Variants in KANK1 observed in about 807,000 individuals in gnomAD.
KANK1 encodes the protein KN motif and ankyrin repeat domain-containing protein 1.
A neutral mutation model predicts 106.2 loss-of-function variants in KANK1; 109 were observed. The ratio of observed to expected loss-of-function variants is 1.03; its 90% CI spans 0.88 to 1.20. The LOEUF is 1.20. Ranked by LOEUF, KANK1 falls within the 50% of genes most tolerant of loss-of-function variation. The pLI, the probability that KANK1 is intolerant of heterozygous loss-of-function variation, is 0.00. For synonymous variants in KANK1, 873 were observed against 652.2 expected (o/e 1.34, Z -5.16); for missense variants, 2,399 against 1,710.7 (o/e 1.40, Z -7.10).
Position 572,063 on chromosome 9 carries a change from A to G in KANK1, c.-84+67309A>G, listed in dbSNP as rs559595360. On this transcript the variant is annotated intron_variant, in intron 1 of 11. Coordinates refer to ENST00000382297, the MANE Select transcript of KANK1 (RefSeq NM_015158.5). ...GATGCTTATTTTCCTTTTTTAGGGCATTTCAGTTTAAAACAAATTAAAAAT... is the reference window on the plus strand; with the variant it reads ...GATGCTTATTTTCCTTTTTTAGGGCGTTTCAGTTTAAAACAAATTAAAAAT... Among the ~76,000 whole-genome samples, 352 of 151,536 alleles carry G rather than the reference A, an allele frequency of 2.3e-3. 2 individuals are homozygous for G. The highest frequency in any genetic ancestry group is 7.9e-3 in the African/African-American group (324 of 41,268).
chr9:718,186 A>G (rs1274439251), intron 3 of KANK1, among the ~76,000 whole-genome samples: 1 of 151,746 alleles, frequency 6.6e-6, no homozygotes, highest in Non-Finnish European at 1.5e-5. Flanking sequence ...AAACAATGCA[A>G]TCCAAGTGTT....
intron 1 of KANK1, among the ~76,000 whole-genome samples, chr9:545,366 A>C (rs1253393990): frequency 6.6e-6 from 1 of 152,200 alleles, no homozygotes; most frequent in African/African-American, 2.4e-5. Flanking sequence ...TGAACCCTGC[A>C]TTTGAAGTTC....
chr9:517,052 T>C (rs1045340884), intron 1 of KANK1, among the ~76,000 whole-genome samples: 2 of 148,058 alleles, frequency 1.4e-5, no homozygotes, highest in African/African-American at 5.1e-5. Flanking sequence ...TTTGGTGGGC[T>C]CAGAGCCACG....
chr9:682,104 A>T (rs1417217932), intron 2 of KANK1, among the ~76,000 whole-genome samples: 2 of 152,044 alleles, frequency 1.3e-5, no homozygotes, highest in Non-Finnish European at 2.9e-5. Flanking sequence ...ACATGGTGAA[A>T]ACCCGTCTCT....
chr9:651,989 T>A (rs1840980931), intron 1 of KANK1, among the ~76,000 whole-genome samples: 1 of 152,298 alleles, frequency 6.6e-6, no homozygotes, highest in South Asian at 2.1e-4. Context: ...AGCAATAAAT[T>A]TAGGAATGGA....
intron 1 of KANK1, among the ~76,000 whole-genome samples, chr9:537,071 C>T (rs1322915298): frequency 3.3e-5 from 5 of 152,150 alleles, no homozygotes; most frequent in Non-Finnish European, 7.4e-5. Flanking sequence ...AGTTGTGACT[C>T]TCCTGCTTAT....
chr9:742,116 CT>C, intron 9 of KANK1, 88 bp from the exon 10 acceptor site: 2 of 1,124,222 alleles, frequency 1.8e-6, no homozygotes, highest in Non-Finnish European at 2.6e-6. Context: ...TCACCACACT[CT>C]TCCCCCTTTC....
intron 1 of KANK1, among the ~76,000 whole-genome samples, chr9:545,681 G>A (rs1023326419): frequency 4.7e-5 from 7 of 149,716 alleles, no homozygotes; most frequent in Non-Finnish European, 8.9e-5. Flanking sequence ...TCATGGCAGC[G>A]TGACAGCATA....
At chr9:571,980 G>T (rs954378073) in intron 1 of KANK1, among the ~76,000 whole-genome samples, 1 of 152,064 alleles carries the variant, frequency 6.6e-6, no homozygotes, top group African/African-American at 2.4e-5. Context: ...AGAACAACTC[G>T]GAACTTTGTG....
At chr9:737,355 T>G (rs919301923) in intron 7 of KANK1, among the ~76,000 whole-genome samples, 2 of 152,238 alleles carry the variant, frequency 1.3e-5, no homozygotes, top group African/African-American at 4.8e-5. Context: ...AAAGAGGACT[T>G]CTTGGGTTCT....
At position 732,374 on chromosome 9, in the gene KANK1, C is replaced by T. The variant is rs1391603608; in HGVS notation, c.3006-4C>T. ...CATCTCCTGAAATCCCAATTGCCAC[C>T]TAGGTATGAAACAACTTCAAGTGAT... is the stretch of plus-strand genomic sequence containing the variant. On this transcript the variant is annotated splice_polypyrimidine_tract_variant and splice_region_variant and intron_variant, in intron 5 of 11. Coordinates refer to ENST00000382297, the MANE Select transcript of KANK1 (RefSeq NM_015158.5). The T allele has an allele frequency of 3.1e-6, 5 of 1,605,110 alleles. No individual in the cohort carries two copies. Among genetic ancestry groups the T allele is most frequent in the Non-Finnish European group, 4.3e-6 (5 of 1,172,484 alleles).
intron 1 of KANK1, among the ~76,000 whole-genome samples, chr9:617,113 A>G (rs1246745405): frequency 1.3e-5 from 2 of 151,266 alleles, no homozygotes; most frequent in East Asian, 3.9e-4. Flanking sequence ...AGTTAGGTCG[A>G]TTTTTTTTTC....
intron 1 of KANK1, among the ~76,000 whole-genome samples, chr9:575,660 G>C (rs1195006244): frequency 6.6e-6 from 1 of 152,060 alleles, no homozygotes. Flanking sequence ...AACAGAGCAA[G>C]ACCCTGTCTC....
rs1838320888 is a variant in KANK1 at position 641,033 on chromosome 9, AAG to A, written c.-83-35850_-83-35849del. 1.3e-5 allele frequency among the ~76,000 whole-genome samples: 2 copies of A among 152,174 alleles called. 1 individual carries two copies. Among genetic ancestry groups the A allele is most frequent in the South Asian group, 4.1e-4 (2 of 4,830 alleles). Reference sequence around the variant, plus strand: ...TGTCTGTGTTGCAGTGAAATTTTAAAAGAGAGAGCTAAATTTTGATGTCAGTT... The same window carrying A: ...TGTCTGTGTTGCAGTGAAATTTTAAAAGAGAGCTAAATTTTGATGTCAGTT... On this transcript the variant is annotated intron_variant, in intron 1 of 11. Transcript: ENST00000382297.
At chr9:507,728 T>A (rs1241569537) in intron 1 of KANK1, among the ~76,000 whole-genome samples, 1 of 152,046 alleles carries the variant, frequency 6.6e-6, no homozygotes. Flanking sequence ...CAGCTAATTT[T>A]TGTATTTTTA....
chr9:478,120 G>T, intron 3 of KANK1: 1 of 213,024 alleles, frequency 4.7e-6, no homozygotes, highest in South Asian at 7.4e-5. Flanking sequence ...CAAGGAACCA[G>T]AGACAGAAAG....
intron 1 of KANK1, among the ~76,000 whole-genome samples, chr9:563,721 C>G (rs1817087684): frequency 6.6e-6 from 1 of 152,120 alleles, no homozygotes; most frequent in Non-Finnish European, 1.5e-5. Flanking sequence ...GGTTTCTCTT[C>G]TTTTTAATCA....
chr9:575,089 G>A (rs1820194931), intron 1 of KANK1, among the ~76,000 whole-genome samples: 1 of 152,100 alleles, frequency 6.6e-6, no homozygotes, highest in African/African-American at 2.4e-5. Flanking sequence ...ATCTTGCTTG[G>A]CAAATGAGGA....
chr9:686,099 A>G (rs1818484258), intron 2 of KANK1, among the ~76,000 whole-genome samples: 1 of 152,200 alleles, frequency 6.6e-6, no homozygotes. Context: ...CCAGTGCTTA[A>G]TATCTTAAAA....
Sources: gnomAD v4.1 joint callset for allele counts (sites outside exome capture counted in the v4.1 genomes callset) on GRCh38, gnomAD v4.1.1 for gene constraint, MANE v1.5 for transcripts, NCBI Gene and HGNC (gene_info 2026-07-23, HGNC 2026-07-21) for gene names.